The following MYH11 variants were observed in gnomAD, a reference collection of about 807,000 sequenced individuals.
The protein encoded by MYH11 is myosin-11.
MYH11 carries 80 observed loss-of-function variants against 246.6 expected under a neutral mutation model. The observed-to-expected ratio is 0.32, with a 90% CI of 0.27 to 0.39. The LOEUF (loss-of-function observed/expected upper bound fraction) is 0.39, where lower values mean the gene tolerates loss of function less well. Ranked by LOEUF, MYH11 falls within the 10% of genes least tolerant of loss-of-function variation. MYH11 has a pLI of 1.00. For synonymous variants in MYH11, 1,071 were observed against 1,015.5 expected (o/e 1.05, Z -1.04); for missense variants, 2,158 against 2,546.8 (o/e 0.85, Z 3.29).
At chr16:15,720,079 T>C in intron 34 of MYH11, 72 bp downstream of exon 34, 1 of 1,603,768 alleles carries the variant, frequency 6.2e-7, no homozygotes, top group Non-Finnish European at 8.5e-7. Context: ...GAGCCCGCTC[T>C]GCTGACTTCG....
At chr16:15,709,829 T>G (rs2039677279) in intron 40 of MYH11, among the ~76,000 whole-genome samples, 2 of 152,174 alleles carry the variant, frequency 1.3e-5, no homozygotes, top group African/African-American at 4.8e-5. Context: ...TCATTAGCTT[T>G]CGGGCCTCTA....
In MYH11 at chr16:15,720,321, G is replaced by A. The variant is rs201567063; in HGVS notation, c.4792-9C>T. ...GTCTCATACTCGTGAAGCTGGGCGA[G>A]GAATAGAGATGTGTGCTGCCCCACT... On this transcript the variant is annotated splice_polypyrimidine_tract_variant and intron_variant, in intron 33 of 40. Coordinates refer to ENST00000300036, the MANE Select transcript of MYH11 (RefSeq NM_002474.3). 6 of 1,612,876 alleles carry A rather than the reference G, an allele frequency of 3.7e-6. No individual in the cohort carries two copies. Among genetic ancestry groups the A allele is most frequent in the Admixed American group, 1.7e-5 (1 of 59,816 alleles).
At chr16:15,799,008 G>A (rs1483176980) in intron 3 of MYH11, among the ~76,000 whole-genome samples, 2 of 152,216 alleles carry the variant, frequency 1.3e-5, no homozygotes, top group Non-Finnish European at 2.9e-5. Context: ...GGGACCAAAC[G>A]CAGATGTTGG....
At chr16:15,756,848 C>T (rs1476175730) in intron 13 of MYH11, among the ~76,000 whole-genome samples, 1 of 140,974 alleles carries the variant, frequency 7.1e-6, no homozygotes, top group Non-Finnish European at 1.5e-5. Context: ...CCCAGGCAGA[C>T]GGTGCAGTGG....
intron 8 of MYH11, among the ~76,000 whole-genome samples, chr16:15,772,126 C>G (rs1938249652): frequency 7.8e-6 from 1 of 128,570 alleles, no homozygotes; most frequent in African/African-American, 2.9e-5. Context: ...GAGTCTCACT[C>G]TGTCGTCCAG....
Position 15,813,291 on chromosome 16 carries a change from G to C in MYH11, c.502+9964C>G, listed in dbSNP as rs77419733. ...CTGAACCCAGGAGTTTGAGGCTGCA[G>C]TGAGTTACAATCGCACCATTACACT... On this transcript the variant is annotated intron_variant, in intron 3 of 40. Coordinates refer to ENST00000300036, the MANE Select transcript of MYH11 (RefSeq NM_002474.3). Among the ~76,000 whole-genome samples, 441 of 152,274 alleles carry C rather than the reference G, an allele frequency of 2.9e-3. 14 individuals carry two copies. The East Asian group carries it at 0.08, about 28-fold the overall frequency.
chr16:15,848,812 A>G (rs925792412), intron 1 of MYH11, among the ~76,000 whole-genome samples: 2 of 152,140 alleles, frequency 1.3e-5, no homozygotes, highest in South Asian at 4.1e-4. Flanking sequence ...CACTTAGTCA[A>G]ACTCAACTCG....
intron 28 of MYH11, chr16:15,726,495 C>T (rs1353917468): frequency 5.3e-6 from 2 of 375,260 alleles, no homozygotes; most frequent in Non-Finnish European, 5.1e-6. Context: ...CTCAGCCTCC[C>T]GAGTAGATGG....
At chr16:15,767,018 C>T (rs1211572516) in intron 9 of MYH11, among the ~76,000 whole-genome samples, 1 of 152,138 alleles carries the variant, frequency 6.6e-6, no homozygotes, top group Non-Finnish European at 1.5e-5. Context: ...TTTCCAAATC[C>T]TAGTTCCGGG....
intron 5 of MYH11, chr16:15,784,995 G>T: frequency 1.2e-5 from 3 of 242,300 alleles, no homozygotes; most frequent in Non-Finnish European, 1.5e-5. Flanking sequence ...ACCAGGCCCA[G>T]CTAATTCTCT....
intron 2 of MYH11, among the ~76,000 whole-genome samples, chr16:15,826,075 A>T (rs2043556442): frequency 1.3e-5 from 2 of 152,184 alleles, no homozygotes; most frequent in African/African-American, 2.4e-5. Context: ...GCCCCCAGGT[A>T]TGAGCATGGT....
Position 15,703,271 on chromosome 16 carries a change from CTG to C in MYH11, c.*718_*719del, listed in dbSNP as rs2039283361. ...GTGACTACAGAAGGCACTTGGTGAA[CTG>C]TGCGTGTCTGAGGTGTGGAAACCAG... is the stretch of plus-strand genomic sequence containing the variant. On this transcript the variant is annotated 3_prime_UTR_variant, in exon 41 of 41. Transcript: ENST00000300036. 1 of 220,886 alleles carries C rather than the reference CTG, an allele frequency of 4.5e-6. No homozygotes were observed. The highest frequency in any genetic ancestry group is 9.1e-6 in the Non-Finnish European group (1 of 110,302). 13.7% of individuals were successfully genotyped at this position (220,886 alleles called of 1,614,324 possible).
Position 15,787,695 on chromosome 16 carries a change from G to A in MYH11, c.531-963C>T, listed in dbSNP as rs187175981. Among the ~76,000 whole-genome samples, 9 of 151,886 alleles carry A rather than the reference G, an allele frequency of 5.9e-5. No homozygotes were observed. In the East Asian group the frequency reaches 1.2e-3, roughly 20 times the overall value. ...TCACCATGTTAGCCAGGATGGTCTC[G>A]ATCTCCTGACCTCGTGATCCGCCTG... On this transcript the variant is annotated intron_variant, in intron 4 of 40. Transcript: ENST00000300036.
intron 20 of MYH11, among the ~76,000 whole-genome samples, chr16:15,742,508 G>A (rs766965310): frequency 5.9e-5 from 9 of 152,066 alleles, no homozygotes; most frequent in Admixed American, 2.6e-4. Context: ...TTGGGAGGCC[G>A]AGGCAAGCGC....
Position 15,776,085 on chromosome 16 carries a change from C to T in MYH11, c.882G>A (p.Lys294=), listed in dbSNP as rs536912174. The T allele has an allele frequency of 7.4e-6, 12 of 1,611,856 alleles. No homozygotes were observed. The South Asian group carries it at 9.9e-5, about 13-fold the overall frequency. The stretch of plus-strand genomic sequence containing the variant: ...TCATTGCTAGTCACTTACTTCTCAT[C>T]TTCTCCTTGGCTCCAGCAATCATGT... The part of the protein sequence containing the change: ...FYYMIAGAKE[K]MRSDLLLEGF... Residue 294 remains lysine, a synonymous_variant, in exon 8 of 41, where the codon AAG becomes AAA. Coordinates refer to ENST00000300036, the MANE Select transcript of MYH11 (RefSeq NM_002474.3).
intron 37 of MYH11, 24 bp downstream of exon 37, chr16:15,718,291 C>T (rs2040275885): frequency 3.7e-6 from 6 of 1,607,320 alleles, no homozygotes; most frequent in Non-Finnish European, 5.1e-6. Flanking sequence ...GGCAGCGTGA[C>T]TGTGGTGTCC....
intron 3 of MYH11, among the ~76,000 whole-genome samples, chr16:15,803,434 G>A (rs1342121348): frequency 2.0e-5 from 3 of 151,784 alleles, no homozygotes; most frequent in Non-Finnish European, 2.9e-5. Context: ...GTGCCACCAC[G>A]CCTGGCTAAT....
Position 15,724,726 on chromosome 16 carries a change from T to C in MYH11, c.4037A>G (p.Asn1346Ser), listed in dbSNP as rs371790612. The C allele has an allele frequency of 1.2e-6, 2 of 1,614,182 alleles. No homozygotes were observed. Among genetic ancestry groups the C allele is most frequent in the South Asian group, 1.1e-5 (1 of 91,092 alleles). The change falls in exon 30 of 41, where the codon AAC becomes AGC. Residue 1346 changes from asparagine (N) to serine (S), a missense_variant. This residue lies in a region of MYH11 where 1,013 missense variants were observed against 993.5 expected (regional missense o/e 1.02). Transcript: ENST00000300036. ...TKLRQLEEER[N>S]SLQDQLDEEM... ...CTCGTCCAGCTGGTCTTGCAGGCTG[T>C]TCCGCTCCTCCTCCAGCTGGCGCAG...
At chr16:15,724,432 A>AG in intron 30 of MYH11, 23 bp from the exon 31 acceptor site, 3 of 1,613,146 alleles carry the variant, frequency 1.9e-6, no homozygotes, top group Non-Finnish European at 2.5e-6. Flanking sequence ...CGTCCAGGGT[A>AG]GGGTGAGAGG....
Sources: allele counts gnomAD v4.1 joint callset (sites outside exome capture counted in the v4.1 genomes callset), GRCh38; gene constraint gnomAD v4.1.1; regional missense constraint gnomAD v4.1.1; transcripts MANE v1.5; gene names NCBI Gene and HGNC (gene_info 2026-07-23, HGNC 2026-07-21).